SH3KBP1: variants seen among roughly 807,000 people sequenced by gnomAD.
SH3KBP1 encodes SH3 domain containing kinase binding protein 1.
SH3KBP1 carries 8 observed loss-of-function variants against 50.1 expected under a neutral mutation model. The observed-to-expected ratio is 0.16, with a 90% CI of 0.09 to 0.29. The LOEUF (loss-of-function observed/expected upper bound fraction) is 0.29, where lower values mean the gene tolerates loss of function less well. Ranked by LOEUF, SH3KBP1 falls within the 10% of genes least tolerant of loss-of-function variation. SH3KBP1 has a pLI of 1.00. For synonymous variants in SH3KBP1, 227 were observed against 218.6 expected (o/e 1.04, Z -0.34); for missense variants, 377 against 535.2 (o/e 0.70, Z 2.92).
chrX:19,824,090 G>T lies in SH3KBP1; in HGVS notation c.162+12035C>A, dbSNP rs148521800. On this transcript the variant is annotated intron_variant, in intron 2 of 17. Coordinates refer to ENST00000397821, the MANE Select transcript of SH3KBP1 (RefSeq NM_031892.3). ...CCGCCTTGGCCTCCCAAAGTCCTGG[G>T]ATTACAGGTGTTAGCCACCACACCC... Among the ~76,000 whole-genome samples the T allele has an allele frequency of 3.6e-5, 4 of 111,559 alleles. No individual in the cohort carries two copies. In the East Asian group the frequency reaches 1.1e-3, roughly 31 times the overall value.
At chrX:19,572,746 C>G (rs763883879) in intron 12 of SH3KBP1, among the ~76,000 whole-genome samples, 61 of 111,118 alleles carry the variant, frequency 5.5e-4, no homozygotes, top group African/African-American at 1.9e-3. Context: ...TAGGAAAACA[C>G]TTGAATAAAC....
At chrX:19,809,525 A>AAAAG (rs1244175337) in intron 2 of SH3KBP1, among the ~76,000 whole-genome samples, 1 of 111,783 alleles carries the variant, frequency 8.9e-6, no homozygotes, top group African/African-American at 3.3e-5. Context: ...TTGTCTCAAA[A>AAAAG]AAAGAAAGAA....
intron 9 of SH3KBP1, among the ~76,000 whole-genome samples, chrX:19,599,609 T>TA (rs1261225215): frequency 8.9e-6 from 1 of 112,297 alleles, no homozygotes; most frequent in Non-Finnish European, 1.9e-5. Context: ...CTGCTTTGCT[T>TA]ACTAGCAGAG....
intron 2 of SH3KBP1, among the ~76,000 whole-genome samples, chrX:19,796,618 C>T (rs73443507): frequency 0.023 from 2,581 of 112,213 alleles, 78 homozygotes; most frequent in African/African-American, 0.079. Context: ...TGTATTCCAA[C>T]CAGAGGGAAA....
chrX:19,587,222 CAAAAAA>C (rs762405835), intron 12 of SH3KBP1, among the ~76,000 whole-genome samples: 1 of 36,753 alleles, frequency 2.7e-5, no homozygotes. Context: ...AACTCTGCCT[CAAAAAA>C]AAAAAAAAAA....
intron 12 of SH3KBP1, among the ~76,000 whole-genome samples, chrX:19,582,644 T>C (rs1227249009): frequency 1.8e-5 from 2 of 111,335 alleles, no homozygotes; most frequent in East Asian, 5.7e-4. Flanking sequence ...TCCCACTCCA[T>C]CCTTGCTGGC....
intron 2 of SH3KBP1, among the ~76,000 whole-genome samples, chrX:19,801,885 G>C (rs889750593): frequency 9.0e-6 from 1 of 111,361 alleles, no homozygotes; most frequent in African/African-American, 3.3e-5. Flanking sequence ...AAACCAGCCT[G>C]GCCAACATGG....
At chrX:19,541,071 C>G (rs900032829) in intron 16 of SH3KBP1, among the ~76,000 whole-genome samples, 2 of 111,226 alleles carry the variant, frequency 1.8e-5, no homozygotes, top group South Asian at 7.6e-4. Flanking sequence ...CACGCCACCA[C>G]GCCCAACTAA....
At chrX:19,699,289 C>T (rs772582335) in intron 4 of SH3KBP1, among the ~76,000 whole-genome samples, 7 of 112,490 alleles carry the variant, frequency 6.2e-5, no homozygotes, top group African/African-American at 1.6e-4. Flanking sequence ...GAAAGAAATG[C>T]GTCTCTTTGT....
chrX:19,692,078 T>C (rs1283077626), intron 5 of SH3KBP1, among the ~76,000 whole-genome samples: 1 of 111,871 alleles, frequency 8.9e-6, no homozygotes, highest in African/African-American at 3.2e-5. Flanking sequence ...TAAGGTTTCA[T>C]AAGTTCTGAA....
At chrX:19,792,513 C>T (rs969119456) in intron 2 of SH3KBP1, among the ~76,000 whole-genome samples, 4 of 110,964 alleles carry the variant, frequency 3.6e-5, no homozygotes, top group African/African-American at 1.3e-4. Flanking sequence ...TGCTCTTCCA[C>T]GGAAGAGAAT....
intron 5 of SH3KBP1, among the ~76,000 whole-genome samples, chrX:19,694,271 A>G (rs1003707952): frequency 3.6e-5 from 4 of 112,236 alleles, no homozygotes; most frequent in African/African-American, 1.3e-4. Context: ...TACAATAGTT[A>G]TTCCAGAGTA....
intron 9 of SH3KBP1, among the ~76,000 whole-genome samples, chrX:19,602,853 T>G (rs747284130): frequency 1.8e-5 from 2 of 111,868 alleles, no homozygotes; most frequent in South Asian, 7.5e-4. Flanking sequence ...GTGAGGGGCC[T>G]CCTACGAATT....
At chrX:19,781,966 C>A (rs950213165) in intron 2 of SH3KBP1, among the ~76,000 whole-genome samples, 1 of 111,536 alleles carries the variant, frequency 9.0e-6, no homozygotes, top group Non-Finnish European at 1.9e-5. Flanking sequence ...GCTTCCTTTT[C>A]AAGGCCCCAT....
rs182254916 is a variant in SH3KBP1 at position 19,879,527 on chromosome X, C to G, written c.4+7780G>C. On this transcript the variant is annotated intron_variant, in intron 1 of 17. Transcript: ENST00000397821. ...GAGTAGCAGAGGACCCATCGCCTGT[C>G]CCCCCACATAAAAGCACATCCCAAT... Among the ~76,000 whole-genome samples, 19 of 111,659 alleles carry G rather than the reference C, an allele frequency of 1.7e-4. No individual in the cohort carries two copies. In the East Asian group the frequency reaches 5.3e-3, roughly 31 times the overall value.
chrX:19,631,677 G>A (rs1336523752), intron 8 of SH3KBP1, among the ~76,000 whole-genome samples, 187 bp downstream of exon 8: 1 of 112,166 alleles, frequency 8.9e-6, no homozygotes, highest in Non-Finnish European at 1.9e-5. Flanking sequence ...ATCTATTCTC[G>A]TCTCAACGAA....
At chrX:19,563,282 T>G (rs2065738970) in intron 13 of SH3KBP1, among the ~76,000 whole-genome samples, 3 of 112,037 alleles carry the variant, frequency 2.7e-5, no homozygotes, top group African/African-American at 3.2e-5. Flanking sequence ...TGAAGGACCA[T>G]CTCCTGTAGG....
intron 12 of SH3KBP1, among the ~76,000 whole-genome samples, chrX:19,572,525 C>T (rs925403634): frequency 1.9e-5 from 2 of 103,862 alleles, no homozygotes; most frequent in Non-Finnish European, 3.9e-5. Flanking sequence ...CATATATGTA[C>T]TCTCTCTCTC....
At chrX:19,545,864 C>A in intron 15 of SH3KBP1, 58 bp downstream of exon 15, 1 of 1,164,259 alleles carries the variant, frequency 8.6e-7, no homozygotes, top group South Asian at 1.8e-5. Flanking sequence ...GGTTTATAAC[C>A]CATCATTAGC....
Sources: gnomAD v4.1 joint callset for allele counts (sites outside exome capture counted in the v4.1 genomes callset) on GRCh38, gnomAD v4.1.1 for gene constraint, MANE v1.5 for transcripts, NCBI Gene and HGNC (gene_info 2026-07-23, HGNC 2026-07-21) for gene names.